The following RORA variants were observed in gnomAD, a reference collection of about 807,000 sequenced individuals.
RORA encodes nuclear receptor ROR-alpha.
Under a neutral mutation model 69.5 loss-of-function variants are expected in RORA, and 7 were observed. That is an observed-to-expected ratio of 0.10 (90% CI 0.06 to 0.19). The LOEUF (loss-of-function observed/expected upper bound fraction) is 0.19. Among genes scored for constraint, RORA ranks in the 10% least tolerant of loss-of-function variants. RORA has a pLI of 1.00. For synonymous variants in RORA, 261 were observed against 240.8 expected, an observed-to-expected ratio of 1.08 and a Z score of -0.78; for missense variants, 457 against 663.0, an observed-to-expected ratio of 0.69 and a Z score of 3.41.
At chr15:60,783,882 G>C (rs2072298004) in intron 1 of RORA, among the ~76,000 whole-genome samples, 1 of 152,210 alleles carries the variant, frequency 6.6e-6, no homozygotes, top group Non-Finnish European at 1.5e-5. Flanking sequence ...CCAGATCCAT[G>C]TGGCTAATCA....
At chr15:61,126,870 AG>A (rs1415704855) in intron 1 of RORA, among the ~76,000 whole-genome samples, 3 of 152,252 alleles carry the variant, frequency 2.0e-5, no homozygotes, top group Admixed American at 1.3e-4. Flanking sequence ...CAAAGAGGAA[AG>A]CAACTTAGGT....
intron 1 of RORA, among the ~76,000 whole-genome samples, chr15:60,976,640 T>A (rs982827801): frequency 5.3e-5 from 8 of 152,010 alleles, no homozygotes; most frequent in African/African-American, 1.5e-4. Flanking sequence ...AATCCCAAAG[T>A]CCTTAGATGC....
At chr15:60,858,624 C>G (rs1396072252) in intron 1 of RORA, among the ~76,000 whole-genome samples, 1 of 150,952 alleles carries the variant, frequency 6.6e-6, no homozygotes, top group Non-Finnish European at 1.5e-5. Flanking sequence ...GAGGAAAGAA[C>G]CTGGGGAAAT....
intron 2 of RORA, among the ~76,000 whole-genome samples, chr15:60,616,717 G>A (rs991467313): frequency 1.3e-5 from 2 of 152,226 alleles, no homozygotes; most frequent in African/African-American, 4.8e-5. Flanking sequence ...GATTTTCCCT[G>A]AGTAATCTTG....
chr15:60,971,272 G>A (rs893915628), intron 1 of RORA, among the ~76,000 whole-genome samples: 9 of 152,166 alleles, frequency 5.9e-5, no homozygotes, highest in African/African-American at 2.2e-4. Flanking sequence ...TGCCTTTCCC[G>A]ATTTCCTCTT....
intron 3 of RORA, among the ~76,000 whole-genome samples, chr15:60,523,020 A>G (rs1054695413): frequency 1.4e-4 from 19 of 140,134 alleles, no homozygotes; most frequent in African/African-American, 4.8e-4. Context: ...CCTGGGCAAC[A>G]GGGCGAGACT....
intron 1 of RORA, among the ~76,000 whole-genome samples, chr15:60,723,432 C>CT (rs960630123): frequency 0.012 from 1,649 of 143,168 alleles, 30 homozygotes; most frequent in African/African-American, 0.039. Context: ...TGGAAAATTA[C>CT]TTTTTTTTTT....
At chr15:60,851,466 A>G (rs1400489455) in intron 1 of RORA, among the ~76,000 whole-genome samples, 1 of 152,158 alleles carries the variant, frequency 6.6e-6, no homozygotes, top group African/African-American at 2.4e-5. Flanking sequence ...TGGGGAGGAC[A>G]TGTGAGGTCC....
At chr15:60,761,507 T>G (rs369042316) in intron 1 of RORA, among the ~76,000 whole-genome samples, 1 of 152,132 alleles carries the variant, frequency 6.6e-6, no homozygotes, top group Non-Finnish European at 1.5e-5. Flanking sequence ...TTATGATATG[T>G]TTTTTTAAAA....
chr15:61,077,690 A>G (rs956320065), intron 1 of RORA, among the ~76,000 whole-genome samples: 1 of 152,180 alleles, frequency 6.6e-6, no homozygotes, highest in Non-Finnish European at 1.5e-5. Context: ...CTTTTGAAAA[A>G]TGTGCCTTTT....
rs1030973345 is a variant in RORA, at chr15:60,517,292, C to T, written c.283-2535G>A. Among the ~76,000 whole-genome samples the T allele has an allele frequency of 2.0e-5, 3 of 151,882 alleles. No individual in the cohort carries two copies. The South Asian group carries it at 6.2e-4, about 32-fold the overall frequency. On this transcript the variant is annotated intron_variant, in intron 3 of 10. Coordinates refer to ENST00000335670, the MANE Select transcript of RORA (RefSeq NM_134261.3). ...GGGATGGGACAGGGCAGGACCCTGA[C>T]TTCTCACTCCTCTTGCTTTCAGCCA...
intron 1 of RORA, among the ~76,000 whole-genome samples, chr15:61,090,524 C>T (rs963403456): frequency 2.0e-5 from 3 of 152,186 alleles, no homozygotes; most frequent in African/African-American, 7.2e-5. Flanking sequence ...TTTGGGAATG[C>T]TTGCCCATTA....
chr15:60,994,916 A>AAGG (rs1336434976), intron 1 of RORA, among the ~76,000 whole-genome samples: 2 of 152,148 alleles, frequency 1.3e-5, no homozygotes, highest in African/African-American at 4.8e-5. Context: ...TTGGGGTGTC[A>AAGG]AGGGCCAGAA....
intron 1 of RORA, among the ~76,000 whole-genome samples, chr15:61,168,252 G>A (rs562168418): frequency 3.3e-5 from 5 of 151,766 alleles, no homozygotes; most frequent in African/African-American, 7.3e-5. Flanking sequence ...ATTTTGAGAC[G>A]GAGTCTTGCT....
chr15:60,912,603 A>T (rs1891762576), intron 1 of RORA, among the ~76,000 whole-genome samples: 1 of 152,126 alleles, frequency 6.6e-6, no homozygotes, highest in Admixed American at 6.5e-5. Flanking sequence ...AAATACAAAA[A>T]ATTAGCCAGG....
intron 1 of RORA, among the ~76,000 whole-genome samples, chr15:61,088,002 T>C (rs916448019): frequency 3.3e-5 from 5 of 152,254 alleles, no homozygotes; most frequent in African/African-American, 1.2e-4. Context: ...ATCTGTGTTA[T>C]CAATGCTACA....
chr15:60,501,161 T>A (rs1331893745), intron 8 of RORA, 92 bp from the exon 9 acceptor site: 11 of 636,582 alleles, frequency 1.7e-5, no homozygotes, highest in Non-Finnish European at 2.8e-5. Flanking sequence ...TTCTCCTAAG[T>A]CCAATAGAAG....
At chr15:60,710,853 C>T (rs1044850070) in intron 1 of RORA, among the ~76,000 whole-genome samples, 1 of 151,864 alleles carries the variant, frequency 6.6e-6, no homozygotes, top group African/African-American at 2.4e-5. Flanking sequence ...GAATCCCAGG[C>T]AAACCTCCAA....
chr15:60,649,274 C>G (rs1405434754), intron 2 of RORA, among the ~76,000 whole-genome samples: 1 of 151,786 alleles, frequency 6.6e-6, no homozygotes, highest in Non-Finnish European at 1.5e-5. Flanking sequence ...ATATAAGATT[C>G]TTGCTCCTGA....
Sources: allele counts gnomAD v4.1 joint callset (sites outside exome capture counted in the v4.1 genomes callset), GRCh38; gene constraint gnomAD v4.1.1; transcripts MANE v1.5; gene names NCBI Gene and HGNC (gene_info 2026-07-23, HGNC 2026-07-21).